The following DNAH14 variants were observed in gnomAD, a reference collection of about 807,000 sequenced individuals.
DNAH14 encodes the protein axonemal beta dynein heavy chain 14.
A neutral mutation model predicts 520.9 loss-of-function variants in DNAH14; 478 were observed. The observed-to-expected ratio is 0.92, with a 90% CI of 0.85 to 0.99. The LOEUF is 0.99. DNAH14 is among the 50% of genes least tolerant of loss of function. The probability of loss-of-function intolerance (pLI) is 0.00; values close to 1 mark genes in which losing one functional copy is unlikely to be tolerated. For synonymous variants in DNAH14, 1,581 were observed against 1,757.2 expected, an observed-to-expected ratio of 0.90 and a Z score of 2.51; for missense variants, 4,831 against 5,234.5, an observed-to-expected ratio of 0.92 and a Z score of 2.38.
intron 44 of DNAH14, among the ~76,000 whole-genome samples, chr1:225,255,434 G>A (rs638451): frequency 0.2 from 30,183 of 151,990 alleles, 3,143 homozygotes; most frequent in East Asian, 0.37. Flanking sequence ...ACACACACAC[G>A]TATAATTTAA....
intron 58 of DNAH14, 33 bp from the exon 59 acceptor site, chr1:225,307,428 C>G (rs1285516014): frequency 7.1e-7 from 1 of 1,401,216 alleles, no homozygotes; most frequent in Non-Finnish European, 9.7e-7. Flanking sequence ...TGTGTTATAT[C>G]TTACACCTTC....
rs767649164 is a variant in DNAH14 at position 225,399,244 on chromosome 1, T to C, written c.13829T>C (p.Leu4610Ser). 135 of 1,551,214 alleles carry C rather than the reference T, an allele frequency of 8.7e-5. No homozygotes were observed. Among genetic ancestry groups the C allele is most frequent in the Middle Eastern group, 1.7e-4 (1 of 6,016 alleles). The change falls in exon 86 of 86, where the codon TTG becomes TCG. Residue 4610 changes from leucine (L) to serine (S), a missense_variant. Physicochemically the swap from Leu to Ser is moderately radical, Grantham distance 145 (BLOSUM62 -2). Coordinates refer to ENST00000682510, the MANE Select transcript of DNAH14 (RefSeq NM_001367479.1). The part of the protein sequence containing the change: ...PSHWITMRVA[L>S]LCEKNEK Reference sequence around the variant, plus strand: ...CACTGGATCACAATGCGGGTTGCATTGCTTTGTGAGAAGAATGAAAAATAA... The same window carrying C: ...CACTGGATCACAATGCGGGTTGCATCGCTTTGTGAGAAGAATGAAAAATAA...
intron 40 of DNAH14, among the ~76,000 whole-genome samples, 198 bp from the exon 41 acceptor site, chr1:225,206,770 G>A (rs1451691701): frequency 6.6e-6 from 1 of 152,098 alleles, no homozygotes; most frequent in African/African-American, 2.4e-5. Flanking sequence ...TTTCTTGTAA[G>A]ACCATAGATA....
chr1:225,390,452 C>A (rs1170214499), intron 83 of DNAH14, among the ~76,000 whole-genome samples: 2 of 152,188 alleles, frequency 1.3e-5, no homozygotes, highest in African/African-American at 4.8e-5. Context: ...TCTGTTTTAA[C>A]TTCTGTGGTG....
intron 37 of DNAH14, among the ~76,000 whole-genome samples, chr1:225,187,238 T>C (rs1265861505): frequency 6.6e-6 from 1 of 151,802 alleles, no homozygotes; most frequent in Non-Finnish European, 1.5e-5. Flanking sequence ...GTTATGCAAT[T>C]ACTACCTCCC....
At chr1:225,099,242 T>C (rs1023061344) in intron 22 of DNAH14, among the ~76,000 whole-genome samples, 2 of 152,104 alleles carry the variant, frequency 1.3e-5, no homozygotes, top group Non-Finnish European at 2.9e-5. Flanking sequence ...GTGGAAGTGG[T>C]CTTGGGAAAT....
intron 41 of DNAH14, among the ~76,000 whole-genome samples, chr1:225,215,654 CTTCT>C (rs1214636218): frequency 2.0e-5 from 3 of 152,100 alleles, no homozygotes; most frequent in Non-Finnish European, 4.4e-5. Flanking sequence ...ATGTGATGGC[CTTCT>C]TTGTCTCTTT....
intron 60 of DNAH14, among the ~76,000 whole-genome samples, chr1:225,310,601 C>T (rs1168290663): frequency 2.0e-5 from 3 of 152,166 alleles, no homozygotes; most frequent in African/African-American, 4.8e-5. Context: ...CTCCCCTAGA[C>T]CCTCACCCCC....
At position 224,946,600 on chromosome 1, in the gene DNAH14, C is replaced by T. The variant is rs183077633; in HGVS notation, c.-33-6070C>T. Among the ~76,000 whole-genome samples the T allele has an allele frequency of 1.4e-4, 21 of 152,266 alleles. 1 individual carries two copies. The highest frequency in any genetic ancestry group is 1.0e-3 in the South Asian group (5 of 4,818). ...GCTGTAGACTGGAGATGTTCCTATT[C>T]GGCCATCTTGGTTCCACCTATCCTA... On this transcript the variant is annotated intron_variant, in intron 1 of 85. Coordinates refer to ENST00000682510, the MANE Select transcript of DNAH14 (RefSeq NM_001367479.1).
chr1:225,259,708 C>G (rs2092866435), intron 46 of DNAH14, among the ~76,000 whole-genome samples: 1 of 152,180 alleles, frequency 6.6e-6, no homozygotes, highest in African/African-American at 2.4e-5. Context: ...CAACATCTCC[C>G]CATTCCTTCC....
intron 1 of DNAH14, among the ~76,000 whole-genome samples, chr1:224,937,083 C>T (rs1465244500): frequency 1.3e-5 from 2 of 151,872 alleles, no homozygotes; most frequent in Non-Finnish European, 2.9e-5. Flanking sequence ...TAATAAAGGC[C>T]ATATATGACA....
intron 73 of DNAH14, among the ~76,000 whole-genome samples, chr1:225,355,281 T>C (rs1574988615): frequency 6.6e-6 from 1 of 152,246 alleles, no homozygotes; most frequent in East Asian, 1.9e-4. Flanking sequence ...TTATTTTATT[T>C]TTTTAATTAG....
chr1:225,076,735 G>A (rs2072324451), intron 17 of DNAH14, among the ~76,000 whole-genome samples: 3 of 152,028 alleles, frequency 2.0e-5, no homozygotes, highest in Admixed American at 6.5e-5. Context: ...TTTGTCCTGG[G>A]TGTATTTATA....
At chr1:225,170,360 G>C (rs1443212820) in intron 36 of DNAH14, among the ~76,000 whole-genome samples, 2 of 152,144 alleles carry the variant, frequency 1.3e-5, no homozygotes, top group Non-Finnish European at 2.9e-5. Context: ...TCAGTGTGCT[G>C]TATTCAGGAG....
At chr1:225,186,917 G>A (rs2084833835) in intron 37 of DNAH14, among the ~76,000 whole-genome samples, 2 of 151,748 alleles carry the variant, frequency 1.3e-5, no homozygotes, top group African/African-American at 4.8e-5. Context: ...CTGAGGTGAT[G>A]GAATTATTTT....
chr1:225,002,133 C>A (rs1372359705), intron 8 of DNAH14, among the ~76,000 whole-genome samples: 1 of 152,018 alleles, frequency 6.6e-6, no homozygotes, highest in Admixed American at 6.6e-5. Flanking sequence ...GCAGAAGTCC[C>A]CCTCTTCTCC....
chr1:225,080,772 TC>T, intron 19 of DNAH14, 24 bp downstream of exon 19: 1 of 1,487,282 alleles, frequency 6.7e-7, no homozygotes, highest in South Asian at 1.4e-5. Flanking sequence ...TCTCAAATTT[TC>T]CCACCTAGGT....
rs190801103 is a variant in DNAH14, at chr1:225,294,085, T to C, written c.8469+4003T>C. The stretch of plus-strand genomic sequence containing the variant: ...ATGTTAGCTGTGGGTTTGTCACATA[T>C]GGCCTTTATTGTGTTGAGGTACTTT... On this transcript the variant is annotated intron_variant, in intron 55 of 85. Transcript: ENST00000682510. Among the ~76,000 whole-genome samples, 6 of 152,298 alleles carry C rather than the reference T, an allele frequency of 3.9e-5. No individual in the cohort carries two copies. The East Asian group carries it at 1.2e-3, about 29-fold the overall frequency.
chr1:225,307,567 A>G lies in DNAH14; in HGVS notation c.9112A>G (p.Lys3038Glu), dbSNP rs1218316818. 12 of 1,533,914 alleles carry G rather than the reference A, an allele frequency of 7.8e-6. No individual in the cohort carries two copies. The highest frequency in any genetic ancestry group is 8.8e-6 in the Non-Finnish European group (10 of 1,141,626). ...TGGCCCTCAAGTAGAACAAAAAACA[A>G]AGGTATGTTTGCTTTGAAATCTCTT... ...ILGPQVEQKT[K>E]ETETLMEKLR... Residue 3038 changes from lysine (K) to glutamate (E), a missense_variant and splice_region_variant, in exon 59 of 86, where the codon AAG becomes GAG. Physicochemically the swap from Lys to Glu is moderately conservative, Grantham distance 56. Coordinates refer to ENST00000682510, the MANE Select transcript of DNAH14 (RefSeq NM_001367479.1).
Sources: allele counts gnomAD v4.1 joint callset (sites outside exome capture counted in the v4.1 genomes callset), GRCh38; gene constraint gnomAD v4.1.1; transcripts MANE v1.5; gene names NCBI Gene and HGNC (gene_info 2026-07-23, HGNC 2026-07-21).